Variants in FMN1 observed in about 807,000 individuals in gnomAD.
FMN1 encodes the protein formin-1.
In FMN1, 110 loss-of-function variants were observed where a neutral mutation model predicts 132.4. The observed-to-expected ratio is 0.83, with a 90% CI of 0.71 to 0.97. The LOEUF (loss-of-function observed/expected upper bound fraction) is 0.97. Ranked by LOEUF, FMN1 falls within the 50% of genes least tolerant of loss-of-function variation. The pLI, the probability that FMN1 is intolerant of heterozygous loss-of-function variation, is 0.00. For synonymous variants in FMN1, 722 were observed against 651.7 expected, an observed-to-expected ratio of 1.11 and a Z score of -1.64; for missense variants, 1,792 against 1,705.3, an observed-to-expected ratio of 1.05 and a Z score of -0.90.
At chr15:32,906,296 G>A (rs745955081) in intron 12 of FMN1, among the ~76,000 whole-genome samples, 5 of 152,106 alleles carry the variant, frequency 3.3e-5, no homozygotes, top group Non-Finnish European at 7.4e-5. Context: ...TTAAAAGAAC[G>A]ATGTTTACGT....
At chr15:33,018,885 G>A (rs1357925650) in intron 6 of FMN1, among the ~76,000 whole-genome samples, 1 of 152,166 alleles carries the variant, frequency 6.6e-6, no homozygotes, top group African/African-American at 2.4e-5. Flanking sequence ...TCGATCCTCC[G>A]GTGGGTTCGT....
chr15:32,923,616 T>C (rs946269281), intron 10 of FMN1, among the ~76,000 whole-genome samples: 1 of 152,192 alleles, frequency 6.6e-6, no homozygotes, highest in African/African-American at 2.4e-5. Flanking sequence ...GAAATGAAAG[T>C]TCACGTACGC....
intron 4 of FMN1, among the ~76,000 whole-genome samples, chr15:33,094,046 A>G (rs935809307): frequency 1.4e-4 from 21 of 147,414 alleles, no homozygotes; most frequent in Admixed American, 5.6e-4. Context: ...CTATTTAGAG[A>G]AAGATATTAT....
Position 32,899,999 on chromosome 15 carries a change from G to A in FMN1, c.3634C>T (p.Leu1212Phe). Reference sequence around the variant, plus strand: ...AATACCCGACTTTTGACATCCTTGAGTTTGGGCAGAATTTCTAAGCTATAT... The same window carrying A: ...AATACCCGACTTTTGACATCCTTGAATTTGGGCAGAATTTCTAAGCTATAT... ...DGYSLEILPK[L>F]KDVKSRDNGI... The change falls in exon 14 of 21, where the codon CTC becomes TTC. Residue 1212 changes from leucine to phenylalanine, a missense_variant. Physicochemically the swap from Leu to Phe is conservative, Grantham distance 22 (BLOSUM62 0). Coordinates refer to ENST00000616417, the MANE Select transcript of FMN1 (RefSeq NM_001277313.2). 6.2e-7 allele frequency: 1 copy of A among 1,613,844 alleles called. No homozygotes were observed. The highest frequency in any genetic ancestry group is 8.5e-7 in the Non-Finnish European group (1 of 1,179,852).
At chr15:32,810,860 C>T (rs898660170) in intron 17 of FMN1, 2 of 419,228 alleles carry the variant, frequency 4.8e-6, no homozygotes, top group East Asian at 1.4e-4. Flanking sequence ...GTTTATGGAC[C>T]TGACATGGTT....
chr15:33,052,927 G>C (rs345753), intron 6 of FMN1, among the ~76,000 whole-genome samples: 133,603 of 152,056 alleles, frequency 0.88, 59,395 homozygotes, highest in Middle Eastern at 0.93. Context: ...ACTACCCATT[G>C]TGAGTCCATA....
chr15:32,933,848 T>C (rs1452612688), intron 9 of FMN1, among the ~76,000 whole-genome samples: 1 of 152,198 alleles, frequency 6.6e-6, no homozygotes, highest in Non-Finnish European at 1.5e-5. Flanking sequence ...TCTTTTTCCA[T>C]CCCTTTTCAC....
chr15:32,953,498 G>A (rs777048614), intron 9 of FMN1, among the ~76,000 whole-genome samples: 1 of 152,172 alleles, frequency 6.6e-6, no homozygotes, highest in African/African-American at 2.4e-5. Flanking sequence ...CGTGTTTACA[G>A]CCATGCAAAT....
intron 19 of FMN1, among the ~76,000 whole-genome samples, chr15:32,777,255 G>T (rs772929868): frequency 5.9e-5 from 9 of 151,934 alleles, no homozygotes; most frequent in Non-Finnish European, 1.3e-4. Flanking sequence ...CCACTTAGCA[G>T]ATAATGAGAT....
chr15:33,104,268 G>C (rs2140091706), intron 4 of FMN1, among the ~76,000 whole-genome samples: 1 of 152,178 alleles, frequency 6.6e-6, no homozygotes, highest in Non-Finnish European at 1.5e-5. Context: ...GAACTGTATG[G>C]TGCTGACAAG....
chr15:33,058,587 A>C (rs1595373321), intron 6 of FMN1, among the ~76,000 whole-genome samples: 1 of 152,142 alleles, frequency 6.6e-6, no homozygotes, highest in South Asian at 2.1e-4. Flanking sequence ...TCATAGCGTA[A>C]AAAATACCAT....
chr15:33,091,888 A>G lies in FMN1; in HGVS notation c.1868-2914T>C, dbSNP rs575718525. On this transcript the variant is annotated intron_variant, in intron 4 of 20. Transcript: ENST00000616417. ...TCATTTAATTTTCCGACACAAATAG[A>G]TTTGGGGGTGTTAGATCTTTAGAGA... is the stretch of plus-strand genomic sequence containing the variant. Among the ~76,000 whole-genome samples, 3 of 152,316 alleles carry G rather than the reference A, an allele frequency of 2.0e-5. No individual in the cohort carries two copies. The East Asian group carries it at 5.8e-4, about 29-fold the overall frequency.
At chr15:33,026,820 G>C (rs1454580524) in intron 6 of FMN1, among the ~76,000 whole-genome samples, 1 of 152,156 alleles carries the variant, frequency 6.6e-6, no homozygotes, top group Non-Finnish European at 1.5e-5. Flanking sequence ...AAGTACCCAG[G>C]AGGCCAGGCT....
chr15:33,166,004 G>A (rs1208505538), intron 3 of FMN1, among the ~76,000 whole-genome samples: 1 of 152,186 alleles, frequency 6.6e-6, no homozygotes, highest in Non-Finnish European at 1.5e-5. Flanking sequence ...CACATTATGT[G>A]TGTTTCGATT....
chr15:32,826,823 T>C (rs2058377960), intron 17 of FMN1, among the ~76,000 whole-genome samples: 1 of 152,234 alleles, frequency 6.6e-6, no homozygotes, highest in African/African-American at 2.4e-5. Flanking sequence ...TATTCTCTTA[T>C]GTCCTTCCCA....
intron 6 of FMN1, among the ~76,000 whole-genome samples, chr15:33,020,842 C>G (rs563984018): frequency 1.3e-5 from 2 of 152,118 alleles, no homozygotes; most frequent in Non-Finnish European, 2.9e-5. Flanking sequence ...GCCCTTTAAG[C>G]CTGTGTTTTC....
At chr15:32,859,446 A>G (rs777864452) in intron 16 of FMN1, among the ~76,000 whole-genome samples, 7 of 152,150 alleles carry the variant, frequency 4.6e-5, no homozygotes, top group Non-Finnish European at 8.8e-5. Flanking sequence ...CCATGTCTTC[A>G]TTCATGTGGT....
At position 32,770,433 on chromosome 15, in the gene FMN1, G is replaced by C. The variant is rs2140834368; in HGVS notation, c.*3877C>G. The C allele has an allele frequency of 1.3e-5, 2 of 152,248 alleles. No individual in the cohort carries two copies. Among genetic ancestry groups the C allele is most frequent in the Middle Eastern group, 6.8e-3 (2 of 294 alleles). 9.4% of individuals were successfully genotyped at this position (152,248 alleles called of 1,614,324 possible). On this transcript the variant is annotated 3_prime_UTR_variant, in exon 21 of 21. Coordinates refer to ENST00000616417, the MANE Select transcript of FMN1 (RefSeq NM_001277313.2). ...TCATAGAGAAAATGTGCAATCCCAG[G>C]CCAATAAGCAAATCTTTGCCCAAAA...
intron 10 of FMN1, among the ~76,000 whole-genome samples, chr15:32,921,400 A>C (rs1034760230): frequency 4.6e-5 from 7 of 152,204 alleles, no homozygotes; most frequent in Non-Finnish European, 8.8e-5. Context: ...CAGGTGGGAC[A>C]AAGTGAAATA....
Sources: gnomAD v4.1 joint callset for allele counts (sites outside exome capture counted in the v4.1 genomes callset) on GRCh38, gnomAD v4.1.1 for gene constraint, MANE v1.5 for transcripts, NCBI Gene and HGNC (gene_info 2026-07-23, HGNC 2026-07-21) for gene names.